Variants in SLC2A10 observed in about 807,000 individuals in gnomAD.
SLC2A10 encodes solute carrier family 2 member 10.
SLC2A10 carries 25 observed loss-of-function variants against 32.1 expected under a neutral mutation model. The observed-to-expected ratio is 0.78, with a 90% confidence interval of 0.57 to 1.09. The LOEUF (loss-of-function observed/expected upper bound fraction) is 1.09. SLC2A10 is among the 50% of genes least tolerant of loss of function. The probability of loss-of-function intolerance (pLI) is 0.00; values close to 1 mark genes in which losing one functional copy is unlikely to be tolerated. For missense variants in SLC2A10, 673 were observed against 686.5 expected (o/e 0.98, Z 0.22); for synonymous variants, 332 against 309.6 (o/e 1.07, Z -0.76).
chr20:46,715,205 T>G (rs1979159867), intron 1 of SLC2A10, among the ~76,000 whole-genome samples: 1 of 151,732 alleles, frequency 6.6e-6, no homozygotes, highest in Admixed American at 6.6e-5. Context: ...CCATACATGA[T>G]AGCTGTTATT....
intron 1 of SLC2A10, among the ~76,000 whole-genome samples, chr20:46,716,480 T>C (rs1979248163): frequency 6.6e-6 from 1 of 152,112 alleles, no homozygotes; most frequent in Non-Finnish European, 1.5e-5. Context: ...CTCAAAGCAA[T>C]GTCTAGTCCA....
In SLC2A10 at chr20:46,709,849, G is replaced by T. The variant is rs1005755536; in HGVS notation, c.4+109G>T. On this transcript the variant is annotated intron_variant, in intron 1 of 4. Transcript: ENST00000359271. The stretch of plus-strand genomic sequence containing the variant: ...CGCGCCCCCTGGCTCCCCCAGGGCC[G>T]CCCCGGCCGGATACCGCCTCTCGGG... 32 of 1,348,674 alleles carry T rather than the reference G, an allele frequency of 2.4e-5. 1 individual carries two copies. The African/African-American group carries it at 4.6e-4, about 19-fold the overall frequency. The allele number at this position is 1,348,674 out of a possible 1,614,324, so 83.5% of individuals were successfully genotyped here.
intron 1 of SLC2A10, among the ~76,000 whole-genome samples, chr20:46,712,920 A>G (rs1979015369): frequency 6.6e-6 from 1 of 151,524 alleles, no homozygotes; most frequent in Non-Finnish European, 1.5e-5. Context: ...CTCCCAAAGT[A>G]TTGGGATTAT....
chr20:46,710,525 GT>G (rs1216797326), intron 1 of SLC2A10: 1 of 152,504 alleles, frequency 6.6e-6, no homozygotes, highest in Non-Finnish European at 1.5e-5. Context: ...ATAAAATGGG[GT>G]GGCGTGAAGG....
At chr20:46,720,863 C>G (rs1181065081) in intron 1 of SLC2A10, among the ~76,000 whole-genome samples, 6 of 152,116 alleles carry the variant, frequency 3.9e-5, no homozygotes, top group Admixed American at 3.9e-4. Flanking sequence ...ATTTTATATT[C>G]AAGTTATCTA....
chr20:46,717,785 C>T (rs1288482573), intron 1 of SLC2A10, among the ~76,000 whole-genome samples: 2 of 152,144 alleles, frequency 1.3e-5, no homozygotes, highest in Non-Finnish European at 2.9e-5. Flanking sequence ...CAGATCTAAC[C>T]TGTTGGGTTA....
chr20:46,726,695 A>G (rs982859684), intron 2 of SLC2A10, among the ~76,000 whole-genome samples, 169 bp from the exon 3 acceptor site: 5 of 152,150 alleles, frequency 3.3e-5, no homozygotes, highest in African/African-American at 4.8e-5. Flanking sequence ...CTCAGTCTTC[A>G]GCAAACTGAG....
rs1269438372 is a variant in SLC2A10 at position 46,725,682 on chromosome 20, T to A, written c.646T>A (p.Tyr216Asn). Reference sequence around the variant, plus strand: ...CAAGCTGGGCCCGGGGAGGCCACGGTACTCCTTTCTGGACCTCTTCAGGGC... The same window carrying A: ...CAAGCTGGGCCCGGGGAGGCCACGGAACTCCTTTCTGGACCTCTTCAGGGC... ...APKLGPGRPR[Y>N]SFLDLFRARD... is the part of the protein sequence containing the mutation. Residue 216 changes from tyrosine to asparagine, a missense_variant, in exon 2 of 5, where the codon TAC (tyrosine) becomes AAC (asparagine). Tyr to Asn is a moderately radical substitution (Grantham distance 143). Transcript: ENST00000359271. 5.0e-6 allele frequency: 8 copies of A among 1,613,922 alleles called. No individual in the cohort carries two copies. Among genetic ancestry groups the A allele is most frequent in the Non-Finnish European group, 6.8e-6 (8 of 1,179,992 alleles).
Position 46,726,314 on chromosome 20 carries a change from G to A in SLC2A10, c.1278G>A (p.Gly426=). The A allele has an allele frequency of 1.2e-6, 2 of 1,609,268 alleles. No homozygotes were observed. The highest frequency in any genetic ancestry group is 1.7e-6 in the Non-Finnish European group (2 of 1,180,006). The part of the protein sequence containing the change: ...LMVFVSAFSF[G]FGPVTWLVLS... ...TCTTTGTCAGTGCCTTCTCCTTTGG[G>A]TTTGGGCCAGGTAAGTGGAGTTTTC... Residue 426 remains glycine (G), a synonymous_variant, in exon 2 of 5, where the codon GGG becomes GGA. Coordinates refer to ENST00000359271, the MANE Select transcript of SLC2A10 (RefSeq NM_030777.4).
rs949926562 is a variant in SLC2A10 at position 46,735,123 on chromosome 20, T to C, written c.*1289T>C. 4 of 152,640 alleles carry C rather than the reference T, an allele frequency of 2.6e-5. No individual in the cohort carries two copies. The highest frequency in any genetic ancestry group is 9.7e-5 in the African/African-American group (4 of 41,444). The allele number at this position is 152,640 out of a possible 1,614,324, so 9.5% of individuals were successfully genotyped here. On this transcript the variant is annotated 3_prime_UTR_variant, in exon 5 of 5. Transcript: ENST00000359271. ...AGATGGGGGACTGAGCAAGTAGCTA[T>C]GACTGCAGATCATGTAAGGAAGGGA...
Position 46,726,115 on chromosome 20 carries a change from A to G in SLC2A10, c.1079A>G (p.Asn360Ser), listed in dbSNP as rs139117495. 139 of 1,614,246 alleles carry G rather than the reference A, an allele frequency of 8.6e-5. No homozygotes were observed. The highest frequency in any genetic ancestry group is 7.7e-4 in the African/African-American group (58 of 75,066). ...TCTCTACCTCCCATTCCAAGGACCAATGAGGACCAAAGGGAGCCAATCTTG... is the reference window on the plus strand; with the variant it reads ...TCTCTACCTCCCATTCCAAGGACCAGTGAGGACCAAAGGGAGCCAATCTTG... ...DSSLPPIPRTNEDQREPILST... is the reference protein window; with the variant it reads ...DSSLPPIPRTSEDQREPILST... The change falls in exon 2 of 5, where the codon AAT becomes AGT. Residue 360 changes from asparagine (N) to serine (S), a missense_variant. By Grantham distance (46) the Asn-to-Ser change is conservative. Coordinates refer to ENST00000359271, the MANE Select transcript of SLC2A10 (RefSeq NM_030777.4).
intron 1 of SLC2A10, 183 bp downstream of exon 1, chr20:46,709,923 G>A: frequency 3.2e-6 from 2 of 627,852 alleles, no homozygotes; most frequent in African/African-American, 1.9e-5. Flanking sequence ...GACGGGGCTC[G>A]GTCGCGCTTC....
At chr20:46,728,137 G>A (rs1980078597) in intron 3 of SLC2A10, among the ~76,000 whole-genome samples, 1 of 151,870 alleles carries the variant, frequency 6.6e-6, no homozygotes, top group African/African-American at 2.4e-5. Flanking sequence ...GAATTTATTA[G>A]AATTGTGTCA....
At chr20:46,724,030 G>A (rs1477176213) in intron 1 of SLC2A10, among the ~76,000 whole-genome samples, 1 of 152,136 alleles carries the variant, frequency 6.6e-6, no homozygotes, top group Non-Finnish European at 1.5e-5. Flanking sequence ...TCTGTACTTT[G>A]TGTTCACTCT....
chr20:46,716,013 G>A (rs557213260), intron 1 of SLC2A10, among the ~76,000 whole-genome samples: 39 of 152,080 alleles, frequency 2.6e-4, no homozygotes, highest in African/African-American at 8.7e-4. Flanking sequence ...TAAACCTTTT[G>A]TATAGAGACA....
upstream of SLC2A10, among the ~76,000 whole-genome samples, chr20:46,708,568 A>C (rs1978720646): frequency 5.9e-5 from 9 of 152,144 alleles, no homozygotes. Flanking sequence ...GTTCTTACGG[A>C]GCATATATAT....
At chr20:46,713,918 G>A (rs754887147) in intron 1 of SLC2A10, among the ~76,000 whole-genome samples, 6 of 152,184 alleles carry the variant, frequency 3.9e-5, no homozygotes, top group Non-Finnish European at 8.8e-5. Flanking sequence ...AGGAAAAAGA[G>A]TACAGTGGAG....
intron 1 of SLC2A10, among the ~76,000 whole-genome samples, chr20:46,719,079 G>A (rs781494362): frequency 2.0e-5 from 3 of 152,112 alleles, no homozygotes; most frequent in Non-Finnish European, 2.9e-5. Flanking sequence ...ACCACATTCG[G>A]CTTTAGCTGT....
At chr20:46,722,640 A>G (rs566673398) in intron 1 of SLC2A10, among the ~76,000 whole-genome samples, 1 of 152,340 alleles carries the variant, frequency 6.6e-6, no homozygotes, top group African/African-American at 2.4e-5. Flanking sequence ...TGGCCATGCA[A>G]CAGGGTGTTT....
Sources: gnomAD v4.1 joint callset for allele counts (sites outside exome capture counted in the v4.1 genomes callset) on GRCh38, gnomAD v4.1.1 for gene constraint, MANE v1.5 for transcripts, NCBI Gene and HGNC (gene_info 2026-07-23, HGNC 2026-07-21) for gene names.